The following GALNT5 variants were observed in gnomAD, a reference collection of about 807,000 sequenced individuals.
The protein encoded by GALNT5 is polypeptide N-acetylgalactosaminyltransferase 5.
In GALNT5, 72 loss-of-function variants were observed where a neutral mutation model predicts 85.4. The ratio of observed to expected loss-of-function variants is 0.84; its 90% confidence interval spans 0.70 to 1.03. The LOEUF is 1.03. Among genes scored for constraint, GALNT5 ranks in the 50% least tolerant of loss-of-function variants. The pLI, the probability that GALNT5 is intolerant of heterozygous loss-of-function variation, is 0.00. For synonymous variants in GALNT5, 404 were observed against 397.0 expected (o/e 1.02, Z -0.21); for missense variants, 1,137 against 1,135.5 (o/e 1.00, Z -0.02).
At position 157,283,598 on chromosome 2, in the gene GALNT5, T is replaced by C. The variant is rs141920439; in HGVS notation, c.1455-684T>C. Among the ~76,000 whole-genome samples the C allele has an allele frequency of 3.5e-3, 540 of 152,296 alleles. 4 individuals carry two copies. Among genetic ancestry groups the C allele is most frequent in the African/African-American group, 0.013 (521 of 41,562 alleles). The stretch of plus-strand genomic sequence containing the variant: ...TTAATTATTTGGCACATATATATTA[T>C]GCCATAAGTACATACACAAGCAGAA... On this transcript the variant is annotated intron_variant, in intron 1 of 9. Coordinates refer to ENST00000259056, the MANE Select transcript of GALNT5 (RefSeq NM_014568.3).
intron 1 of GALNT5, among the ~76,000 whole-genome samples, chr2:157,263,787 T>C (rs1682400414): frequency 6.6e-6 from 1 of 152,194 alleles, no homozygotes; most frequent in South Asian, 2.1e-4. Context: ...TATAAATTAA[T>C]AATGACTTCT....
chr2:157,273,491 C>G (rs1558892378), intron 1 of GALNT5, among the ~76,000 whole-genome samples: 1 of 151,338 alleles, frequency 6.6e-6, no homozygotes, highest in African/African-American at 2.4e-5. Context: ...GCAAATTCCT[C>G]AAACTTAAAA....
chr2:157,296,358 C>T, intron 4 of GALNT5, 36 bp from the exon 5 acceptor site: 1 of 1,548,112 alleles, frequency 6.5e-7, no homozygotes, highest in Non-Finnish European at 8.9e-7. Context: ...TGTATATAAT[C>T]CCAGATAACA....
At chr2:157,274,571 G>A (rs1050039188) in intron 1 of GALNT5, among the ~76,000 whole-genome samples, 7 of 152,296 alleles carry the variant, frequency 4.6e-5, no homozygotes, top group Admixed American at 1.3e-4. Flanking sequence ...GCATTTCTCT[G>A]ATGACCAGTG....
chr2:157,261,959 T>C (rs1476805867), intron 1 of GALNT5, among the ~76,000 whole-genome samples: 1 of 152,036 alleles, frequency 6.6e-6, no homozygotes, highest in African/African-American at 2.4e-5. Context: ...GAAATTGTTA[T>C]AAAATAGAAT....
chr2:157,302,349 T>C (rs1009965391), intron 7 of GALNT5: 7 of 152,192 alleles, frequency 4.6e-5, no homozygotes, highest in African/African-American at 1.7e-4. Flanking sequence ...AAAAAAATGG[T>C]TCTGTTTTTT....
chr2:157,277,955 G>C (rs1430343717), intron 1 of GALNT5, among the ~76,000 whole-genome samples: 2 of 152,160 alleles, frequency 1.3e-5, no homozygotes, highest in Admixed American at 1.3e-4. Context: ...TGCAGTGGCT[G>C]GTACCAGTTG....
chr2:157,293,309 C>T (rs758332316), intron 3 of GALNT5, among the ~76,000 whole-genome samples: 1 of 152,154 alleles, frequency 6.6e-6, no homozygotes, highest in Non-Finnish European at 1.5e-5. Context: ...GCTTCAAAGG[C>T]GGCACCTTGT....
At position 157,284,523 on chromosome 2, in the gene GALNT5, G is replaced by A. The variant is rs530726426; in HGVS notation, c.1621+75G>A. The A allele has an allele frequency of 3.1e-5, 33 of 1,074,942 alleles. No homozygotes were observed. In the East Asian group the frequency reaches 8.0e-4, roughly 26 times the overall value. 66.6% of individuals were successfully genotyped at this position (1,074,942 alleles called of 1,614,324 possible). On this transcript the variant is annotated intron_variant, in intron 2 of 9. Coordinates refer to ENST00000259056, the MANE Select transcript of GALNT5 (RefSeq NM_014568.3). ...GCAAAGTTTAGTAGCAGTTTGGATG[G>A]CAAAATTATAGGATAATTTGATGAA...
chr2:157,299,686 AC>A (rs748016913), intron 6 of GALNT5, 21 bp downstream of exon 6: 1 of 1,267,746 alleles, frequency 7.9e-7, no homozygotes, highest in East Asian at 2.3e-5. Context: ...GTGTTTCCCA[AC>A]TTTTCTTTAC....
intron 1 of GALNT5, among the ~76,000 whole-genome samples, chr2:157,279,767 C>T (rs528436231): frequency 5.9e-5 from 9 of 152,342 alleles, no homozygotes; most frequent in East Asian, 1.9e-4. Flanking sequence ...AGACCTTTTG[C>T]GCTTCCTGGG....
rs1682275138 is a variant in GALNT5, at chr2:157,259,139, A to G, written c.1057A>G (p.Lys353Glu). 4 of 1,488,614 alleles carry G rather than the reference A, an allele frequency of 2.7e-6. No individual in the cohort carries two copies. The highest frequency in any genetic ancestry group is 2.7e-6 in the Non-Finnish European group (3 of 1,119,166). The allele number at this position is 1,488,614 out of a possible 1,614,324, so 92.2% of individuals were successfully genotyped here. A position where few individuals can be genotyped will look rare whatever the true frequency, so the allele number is the denominator to read the frequency against. Residue 353 changes from lysine (K) to glutamate (E), a missense_variant, in exon 1 of 10, where the codon AAA becomes GAA. Transcript: ENST00000259056. ...AACAATATTTCCTAAAGTATTGGGT[A>G]AAAGCCAAAGTAAACACATTTCCAG... ...TKTIFPKVLGKSQSKHISRNR... is the reference protein window; with the variant it reads ...TKTIFPKVLGESQSKHISRNR...
intron 5 of GALNT5, among the ~76,000 whole-genome samples, chr2:157,297,344 G>A (rs1471554502): frequency 1.3e-5 from 2 of 152,114 alleles, no homozygotes; most frequent in African/African-American, 4.8e-5. Flanking sequence ...ACCATTTATT[G>A]AGCACTCTGT....
At chr2:157,305,670 TG>T in intron 7 of GALNT5, 78 bp from the exon 8 acceptor site, 2 of 800,488 alleles carry the variant, frequency 2.5e-6, no homozygotes, top group Non-Finnish European at 4.3e-6. Context: ...TTTTATATTC[TG>T]TATTTTCTAA....
intron 3 of GALNT5, among the ~76,000 whole-genome samples, chr2:157,291,823 C>T (rs1193397552): frequency 1.3e-5 from 2 of 152,058 alleles, no homozygotes; most frequent in Admixed American, 6.6e-5. Context: ...TGCTCTGTAG[C>T]ACTATAGGGT....
chr2:157,291,116 A>T (rs1683088189), intron 3 of GALNT5, among the ~76,000 whole-genome samples: 1 of 152,180 alleles, frequency 6.6e-6, no homozygotes, highest in Non-Finnish European at 1.5e-5. Context: ...TAAATGAGAT[A>T]TCAGGGAAGA....
At chr2:157,301,094 A>G in intron 7 of GALNT5, 95 bp downstream of exon 7, 1 of 849,856 alleles carries the variant, frequency 1.2e-6, no homozygotes, top group Non-Finnish European at 1.8e-6. Flanking sequence ...ATTACATTAT[A>G]AATAAACACC....
intron 3 of GALNT5, among the ~76,000 whole-genome samples, chr2:157,288,295 T>C (rs942688113): frequency 6.6e-6 from 1 of 152,234 alleles, no homozygotes; most frequent in Non-Finnish European, 1.5e-5. Flanking sequence ...CACACCAAAA[T>C]TGGCATTGCA....
intron 1 of GALNT5, among the ~76,000 whole-genome samples, chr2:157,278,071 T>G (rs1292836316): frequency 1.3e-5 from 2 of 152,214 alleles, no homozygotes; most frequent in Non-Finnish European, 2.9e-5. Context: ...TATTTTTCCT[T>G]CACTCATGAA....
Sources: gnomAD v4.1 joint callset for allele counts (sites outside exome capture counted in the v4.1 genomes callset) on GRCh38, gnomAD v4.1.1 for gene constraint, MANE v1.5 for transcripts, NCBI Gene and HGNC (gene_info 2026-07-23, HGNC 2026-07-21) for gene names.